Variants in DCUN1D1 observed in about 807,000 individuals in gnomAD.
The protein encoded by DCUN1D1 is defective in cullin neddylation 1 domain containing 1.
A neutral mutation model predicts 39.0 loss-of-function variants in DCUN1D1; 3 were observed. That is an observed-to-expected ratio of 0.08 (90% CI 0.04 to 0.20). The LOEUF (loss-of-function observed/expected upper bound fraction) is 0.20, where lower values mean the gene tolerates loss of function less well. DCUN1D1 is among the 10% of genes least tolerant of loss of function. The pLI is 1.00. For synonymous variants in DCUN1D1, 82 were observed against 96.3 expected (o/e 0.85, Z 0.87); for missense variants, 158 against 302.4 (o/e 0.52, Z 3.54).
At chr3:182,975,577 G>A (rs2108398098) in intron 1 of DCUN1D1, among the ~76,000 whole-genome samples, 1 of 151,536 alleles carries the variant, frequency 6.6e-6, no homozygotes, top group Middle Eastern at 3.4e-3. Flanking sequence ...TCATTTGATT[G>A]GATATGGAAA....
intron 1 of DCUN1D1, among the ~76,000 whole-genome samples, chr3:182,970,561 C>T (rs1727885140): frequency 6.6e-6 from 1 of 152,114 alleles, no homozygotes; most frequent in South Asian, 2.1e-4. Context: ...GAAACAGACA[C>T]TTAGGCCTTT....
Position 182,942,779 on chromosome 3 carries a change from C to A in DCUN1D1, c.*2315G>T, listed in dbSNP as rs1345737547. On this transcript the variant is annotated 3_prime_UTR_variant, in exon 7 of 7. Transcript: ENST00000292782. Reference sequence around the variant, plus strand: ...AAACACACACAGCCATATGTGTAATCATTTTTTAGTACAAAATATTCCCTG... The same window carrying A: ...AAACACACACAGCCATATGTGTAATAATTTTTTAGTACAAAATATTCCCTG... 1.3e-5 allele frequency: 2 copies of A among 151,544 alleles called. No homozygotes were observed. Among genetic ancestry groups the A allele is most frequent in the African/African-American group, 4.9e-5 (2 of 41,140 alleles). 9.4% of individuals were successfully genotyped at this position (151,544 alleles called of 1,614,324 possible). A position where few individuals can be genotyped will look rare whatever the true frequency, so the allele number is the denominator to read the frequency against.
intron 2 of DCUN1D1, among the ~76,000 whole-genome samples, chr3:182,964,580 CAAAGAG>C (rs1357124841): frequency 6.8e-6 from 1 of 147,756 alleles, no homozygotes; most frequent in Non-Finnish European, 1.5e-5. Flanking sequence ...ATAACAAAAA[CAAAGAG>C]AAAGAGGCAC....
chr3:182,960,904 C>T (rs1727345954), intron 4 of DCUN1D1, among the ~76,000 whole-genome samples: 1 of 152,086 alleles, frequency 6.6e-6, no homozygotes, highest in Non-Finnish European at 1.5e-5. Flanking sequence ...CCTAAAATAT[C>T]TTCAGGGTCA....
At chr3:182,968,599 T>C (rs922911552) in intron 1 of DCUN1D1, among the ~76,000 whole-genome samples, 6 of 151,090 alleles carry the variant, frequency 4.0e-5, no homozygotes, top group Non-Finnish European at 8.9e-5. Context: ...TATATATAAA[T>C]GTAAACTTTT....
chr3:182,949,788 G>C (rs1438346423), intron 4 of DCUN1D1, among the ~76,000 whole-genome samples: 1 of 152,126 alleles, frequency 6.6e-6, no homozygotes, highest in Non-Finnish European at 1.5e-5. Context: ...ACAGTAGCTG[G>C]AAACCTGCAA....
chr3:182,970,065 C>T (rs1322392928), intron 1 of DCUN1D1, among the ~76,000 whole-genome samples: 1 of 151,916 alleles, frequency 6.6e-6, no homozygotes, highest in Non-Finnish European at 1.5e-5. Flanking sequence ...ACTAGTCTGG[C>T]CTGGGTAACA....
At position 182,943,519 on chromosome 3, in the gene DCUN1D1, A is replaced by G. The variant is rs1014994490; in HGVS notation, c.*1575T>C. On this transcript the variant is annotated 3_prime_UTR_variant, in exon 7 of 7. Coordinates refer to ENST00000292782, the MANE Select transcript of DCUN1D1 (RefSeq NM_020640.4). The stretch of plus-strand genomic sequence containing the variant: ...ATGTAAAAAGCAGTTTTGATATGTC[A>G]TTGTTTCTTAAAATAATTTCCATAT... The G allele has an allele frequency of 6.6e-6, 1 of 152,448 alleles. No individual in the cohort carries two copies. The highest frequency in any genetic ancestry group is 1.5e-5 in the Non-Finnish European group (1 of 67,992). The allele number at this position is 152,448 out of a possible 1,614,324, so 9.4% of individuals were successfully genotyped here.
At chr3:182,957,519 C>T (rs557179158) in intron 4 of DCUN1D1, among the ~76,000 whole-genome samples, 45 of 152,054 alleles carry the variant, frequency 3.0e-4, no homozygotes, top group African/African-American at 9.4e-4. Flanking sequence ...CTGGCTACTC[C>T]GGAGGCAGAG....
At chr3:182,965,846 T>C in intron 1 of DCUN1D1, 93 bp from the exon 2 acceptor site, 1 of 787,176 alleles carries the variant, frequency 1.3e-6, no homozygotes, top group Non-Finnish European at 2.0e-6. Flanking sequence ...TAGTAATACT[T>C]TTTCCTCACA....
chr3:182,973,270 G>A (rs1174661645), intron 1 of DCUN1D1, among the ~76,000 whole-genome samples: 1 of 152,110 alleles, frequency 6.6e-6, no homozygotes, highest in Non-Finnish European at 1.5e-5. Flanking sequence ...GATGACCAAC[G>A]GCTGCAACAG....
At chr3:182,960,989 T>C (rs1727351825) in intron 4 of DCUN1D1, among the ~76,000 whole-genome samples, 1 of 152,208 alleles carries the variant, frequency 6.6e-6, no homozygotes, top group Non-Finnish European at 1.5e-5. Flanking sequence ...CTATCTTCTA[T>C]ATTGACTGTA....
chr3:182,979,859 C>T (rs1478782623), intron 1 of DCUN1D1, among the ~76,000 whole-genome samples: 1 of 152,066 alleles, frequency 6.6e-6, no homozygotes, highest in Non-Finnish European at 1.5e-5. Flanking sequence ...ACCAACTGGC[C>T]GGGGAAACTC....
In DCUN1D1 at chr3:182,939,134, A is replaced by G. The variant is rs549223602; in HGVS notation, c.*5960T>C. On this transcript the variant is annotated 3_prime_UTR_variant, in exon 7 of 7. Transcript: ENST00000292782. The stretch of plus-strand genomic sequence containing the variant: ...CACTCAAACTGCACATCCAATCGAT[A>G]CACGAGTTGGGATGCCTAGGTATAA... 1 of 152,370 alleles carries G rather than the reference A, an allele frequency of 6.6e-6. No homozygotes were observed. Among genetic ancestry groups the G allele is most frequent in the East Asian group, 1.9e-4 (1 of 5,188 alleles). The allele number at this position is 152,370 out of a possible 1,614,324, so 9.4% of individuals were successfully genotyped here.
In DCUN1D1 at chr3:182,965,715, C is replaced by T; in HGVS notation, c.42G>A (p.Gln14=). Residue 14 remains glutamine, a synonymous_variant, in exon 2 of 7, where the codon CAG becomes CAA. Coordinates refer to ENST00000292782, the MANE Select transcript of DCUN1D1 (RefSeq NM_020640.4). Reference sequence around the variant, plus strand: ...CACTAGATTGTGTGAAGATCATAAACTGACGAACTTTATCCTTCTGCGATG... The same window carrying T: ...CACTAGATTGTGTGAAGATCATAAATTGACGAACTTTATCCTTCTGCGATG... ...LKSSQKDKVR[Q]FMIFTQSSEK... The T allele has an allele frequency of 6.2e-7, 1 of 1,613,700 alleles. No individual in the cohort carries two copies. Among genetic ancestry groups the T allele is most frequent in the Non-Finnish European group, 8.5e-7 (1 of 1,179,844 alleles).
chr3:182,957,583 G>A (rs1727142797), intron 4 of DCUN1D1, among the ~76,000 whole-genome samples: 1 of 150,480 alleles, frequency 6.6e-6, no homozygotes, highest in Non-Finnish European at 1.5e-5. Flanking sequence ...CTACGATCAT[G>A]GCACTACAGT....
intron 1 of DCUN1D1, among the ~76,000 whole-genome samples, chr3:182,966,150 A>T (rs1022112483): frequency 6.6e-6 from 1 of 152,050 alleles, no homozygotes; most frequent in Admixed American, 6.6e-5. Flanking sequence ...GCAGGGAAGA[A>T]GATGACATGA....
rs1176638943 is a variant in DCUN1D1, at chr3:182,938,284, G to C, written c.*6810C>G. On this transcript the variant is annotated 3_prime_UTR_variant, in exon 7 of 7. Coordinates refer to ENST00000292782, the MANE Select transcript of DCUN1D1 (RefSeq NM_020640.4). ...TGAATTTGAAGCCAAAGAGTGGAGA[G>C]TGTGGGGATCCACTGGGTAGGACAT... 1 of 151,692 alleles carries C rather than the reference G, an allele frequency of 6.6e-6. No homozygotes were observed. Among genetic ancestry groups the C allele is most frequent in the African/African-American group, 2.4e-5 (1 of 41,290 alleles). 9.4% of individuals were successfully genotyped at this position (151,692 alleles called of 1,614,324 possible).
At chr3:182,975,328 T>C (rs898477934) in intron 1 of DCUN1D1, among the ~76,000 whole-genome samples, 23 of 151,932 alleles carry the variant, frequency 1.5e-4, no homozygotes, top group Non-Finnish European at 3.1e-4. Context: ...AGGCGCCTGC[T>C]ACCACATCCA....
Sources: gnomAD v4.1 joint callset for allele counts (sites outside exome capture counted in the v4.1 genomes callset) on GRCh38, gnomAD v4.1.1 for gene constraint, MANE v1.5 for transcripts, NCBI Gene and HGNC (gene_info 2026-07-23, HGNC 2026-07-21) for gene names.